Variants in ARHGAP12 observed in about 807,000 individuals in gnomAD.
The protein encoded by ARHGAP12 is rho GTPase-activating protein 12.
ARHGAP12 carries 64 observed loss-of-function variants against 108.6 expected under a neutral mutation model. That is an observed-to-expected ratio of 0.59 (90% CI 0.48 to 0.73). The LOEUF (loss-of-function observed/expected upper bound fraction) is 0.73. Ranked by LOEUF, ARHGAP12 falls within the 30% of genes least tolerant of loss-of-function variation. ARHGAP12 has a pLI of 0.00. For missense variants in ARHGAP12, 940 were observed against 1,005.9 expected, an observed-to-expected ratio of 0.93 and a Z score of 0.89; for synonymous variants, 312 against 337.2, an observed-to-expected ratio of 0.93 and a Z score of 0.82.
chr10:31,837,001 C>T (rs1836046455), intron 9 of ARHGAP12, among the ~76,000 whole-genome samples: 2 of 152,232 alleles, frequency 1.3e-5, no homozygotes, highest in South Asian at 4.2e-4. Context: ...TGATGGCCAT[C>T]AGAGGGTACT....
At chr10:31,853,187 T>C (rs1261242581) in intron 5 of ARHGAP12, among the ~76,000 whole-genome samples, 3 of 152,204 alleles carry the variant, frequency 2.0e-5, no homozygotes, top group African/African-American at 7.2e-5. Flanking sequence ...ACATATAACA[T>C]ACGATGTACA....
Position 31,875,872 on chromosome 10 carries a change from A to G in ARHGAP12, c.685-14214T>C, listed in dbSNP as rs969438812. Among the ~76,000 whole-genome samples the G allele has an allele frequency of 5.3e-5, 8 of 152,206 alleles. No homozygotes were observed. The East Asian group carries it at 7.7e-4, about 15-fold the overall frequency. On this transcript the variant is annotated intron_variant, in intron 3 of 19. Coordinates refer to ENST00000344936, the MANE Select transcript of ARHGAP12 (RefSeq NM_018287.7). Reference sequence around the variant, plus strand: ...TCCCTCTCCCCAGTCCCTGGCAACCACCATTCTACTTTCTGTCTCTATGAA... The same window carrying G: ...TCCCTCTCCCCAGTCCCTGGCAACCGCCATTCTACTTTCTGTCTCTATGAA...
intron 6 of ARHGAP12, among the ~76,000 whole-genome samples, chr10:31,851,722 T>C (rs1264120057): frequency 6.6e-6 from 1 of 152,210 alleles, no homozygotes; most frequent in Non-Finnish European, 1.5e-5. Context: ...TTGTAGTCAA[T>C]GTAGTAACAT....
intron 13 of ARHGAP12, among the ~76,000 whole-genome samples, chr10:31,816,242 T>A (rs1835202047): frequency 6.6e-6 from 1 of 151,184 alleles, no homozygotes; most frequent in Non-Finnish European, 1.5e-5. Context: ...GCTTATTCCC[T>A]GAGCCTGTAG....
At chr10:31,807,999 T>C (rs1834878235) in intron 19 of ARHGAP12, among the ~76,000 whole-genome samples, 167 bp from the exon 20 acceptor site, 1 of 152,226 alleles carries the variant, frequency 6.6e-6, no homozygotes, top group African/African-American at 2.4e-5. Context: ...CTAAATGCCA[T>C]GTGAAGCTTT....
intron 9 of ARHGAP12, among the ~76,000 whole-genome samples, chr10:31,832,972 C>T (rs552847206): frequency 7.2e-5 from 11 of 151,992 alleles, no homozygotes; most frequent in South Asian, 2.1e-4. Flanking sequence ...TCCTTAGATA[C>T]GCAAGTTTGA....
At chr10:31,814,494 G>A (rs955613788) in intron 13 of ARHGAP12, 133 bp from the exon 14 acceptor site, 5 of 670,834 alleles carry the variant, frequency 7.5e-6, no homozygotes, top group Non-Finnish European at 1.3e-5. Context: ...TATACAGTAT[G>A]TATGACTTAG....
intron 9 of ARHGAP12, among the ~76,000 whole-genome samples, chr10:31,838,992 G>A (rs947705554): frequency 6.6e-6 from 1 of 152,010 alleles, no homozygotes; most frequent in East Asian, 1.9e-4. Flanking sequence ...CTCCAGCCTG[G>A]ACAACAGAGC....
chr10:31,853,521 A>C (rs78186455), intron 5 of ARHGAP12, among the ~76,000 whole-genome samples: 3,617 of 152,302 alleles, frequency 0.024, 155 homozygotes, highest in African/African-American at 0.081. Flanking sequence ...AAGAGGGATA[A>C]AAGCCTAGCC....
At chr10:31,831,078 T>C (rs2132201908) in intron 10 of ARHGAP12, among the ~76,000 whole-genome samples, 1 of 152,338 alleles carries the variant, frequency 6.6e-6, no homozygotes, top group East Asian at 1.9e-4. Flanking sequence ...TGCAAGATGC[T>C]AAATGTAATA....
chr10:31,875,096 G>A lies in ARHGAP12; in HGVS notation c.685-13438C>T, dbSNP rs148910729. Among the ~76,000 whole-genome samples, 263 of 151,808 alleles carry A rather than the reference G, an allele frequency of 1.7e-3. 2 individuals carry two copies. Among genetic ancestry groups the A allele is most frequent in the Admixed American group, 0.014 (213 of 15,214 alleles). On this transcript the variant is annotated intron_variant, in intron 3 of 19. Transcript: ENST00000344936. ...ATTTCTGAGTCATGGAATTACTGCT[G>A]GGTTTGTTTGTCTGCTTATCTGTAC... is the stretch of plus-strand genomic sequence containing the variant.
At chr10:31,860,475 C>G (rs1837073389) in intron 4 of ARHGAP12, among the ~76,000 whole-genome samples, 2 of 152,154 alleles carry the variant, frequency 1.3e-5, no homozygotes, top group Admixed American at 6.5e-5. Context: ...TAAAACACAG[C>G]TGGCCAATTT....
At chr10:31,907,881 C>T (rs1013002867) in intron 3 of ARHGAP12, among the ~76,000 whole-genome samples, 4 of 152,044 alleles carry the variant, frequency 2.6e-5, no homozygotes, top group Non-Finnish European at 4.4e-5. Flanking sequence ...TTAAGTAAAT[C>T]CCCTCTGCCT....
chr10:31,852,408 T>C, intron 6 of ARHGAP12, 109 bp downstream of exon 6: 1 of 949,214 alleles, frequency 1.1e-6, no homozygotes, highest in South Asian at 1.4e-5. Context: ...AAAATTATTC[T>C]ACTTTGTAAA....
intron 3 of ARHGAP12, among the ~76,000 whole-genome samples, chr10:31,897,432 A>G (rs1227237142): frequency 6.6e-6 from 1 of 151,574 alleles, no homozygotes. Context: ...CACCACTCCA[A>G]CAGGCCTCCA....
At chr10:31,851,084 A>T (rs1247185634) in intron 6 of ARHGAP12, among the ~76,000 whole-genome samples, 3 of 152,118 alleles carry the variant, frequency 2.0e-5, no homozygotes, top group Admixed American at 6.5e-5. Flanking sequence ...GTATCTTCTT[A>T]ACTTTTTATA....
intron 3 of ARHGAP12, among the ~76,000 whole-genome samples, chr10:31,867,967 C>T (rs1164410277): frequency 6.6e-6 from 1 of 151,940 alleles, no homozygotes; most frequent in Non-Finnish European, 1.5e-5. Flanking sequence ...TAGTAGGAGG[C>T]CGAGGGCAGA....
chr10:31,921,779 A>G (rs1203064192), intron 1 of ARHGAP12, among the ~76,000 whole-genome samples: 1 of 150,292 alleles, frequency 6.7e-6, no homozygotes, highest in Non-Finnish European at 1.5e-5. Context: ...AAAAAAAAAA[A>G]AAAAAAAAAA....
At chr10:31,918,307 T>G (rs1360126536) in intron 1 of ARHGAP12, among the ~76,000 whole-genome samples, 1 of 132,312 alleles carries the variant, frequency 7.6e-6, no homozygotes, top group African/African-American at 2.9e-5. Context: ...TACTGATCAT[T>G]AGGGAAATCA....
Sources: allele counts gnomAD v4.1 joint callset (sites outside exome capture counted in the v4.1 genomes callset), GRCh38; gene constraint gnomAD v4.1.1; transcripts MANE v1.5; gene names NCBI Gene and HGNC (gene_info 2026-07-23, HGNC 2026-07-21).